Variants in TRAPPC9 observed in about 807,000 individuals in gnomAD.
TRAPPC9 encodes IKK2 binding protein.
Under a neutral mutation model 124.0 loss-of-function variants are expected in TRAPPC9, and 83 were observed. The ratio of observed to expected loss-of-function variants is 0.67; its 90% CI spans 0.56 to 0.80. The LOEUF (loss-of-function observed/expected upper bound fraction) is 0.80, where lower values mean the gene tolerates loss of function less well. TRAPPC9 is among the 30% of genes least tolerant of loss of function. The probability of loss-of-function intolerance (pLI) is 0.00; values close to 1 mark genes in which losing one functional copy is unlikely to be tolerated. For missense variants in TRAPPC9, 1,302 were observed against 1,508.3 expected, an observed-to-expected ratio of 0.86 and a Z score of 2.27; for synonymous variants, 638 against 617.5, an observed-to-expected ratio of 1.03 and a Z score of -0.49.
intron 7 of TRAPPC9, 65 bp from the exon 8 acceptor site, chr8:140,371,245 A>T (rs1009725597): frequency 7.0e-7 from 1 of 1,421,584 alleles, no homozygotes; most frequent in Non-Finnish European, 9.6e-7. Context: ...AGAAGCACAC[A>T]TTAAAAATGT....
At chr8:140,413,076 G>A (rs1457483393) in intron 5 of TRAPPC9, among the ~76,000 whole-genome samples, 1 of 152,178 alleles carries the variant, frequency 6.6e-6, no homozygotes, top group Non-Finnish European at 1.5e-5. Context: ...TGCCACAGCA[G>A]TGTGTGCAAT....
In TRAPPC9 at chr8:140,164,201, T is replaced by TG. The variant is rs113987089; in HGVS notation, c.2556+57257_2556+57258insC. On this transcript the variant is annotated intron_variant, in intron 17 of 22. Transcript: ENST00000438773. ...TCTTTGACTCATTCTCTCCCAATGC[T>TG]TACAACCAAACTTCACAAAAGAGGG... is the stretch of plus-strand genomic sequence containing the variant. 3.9e-5 allele frequency among the ~76,000 whole-genome samples: 6 copies of TG among 152,280 alleles called. 1 individual carries two copies. The highest frequency in any genetic ancestry group is 1.4e-4 in the African/African-American group (6 of 41,536).
intron 5 of TRAPPC9, among the ~76,000 whole-genome samples, chr8:140,421,984 CAAAAAAA>C (rs35152459): frequency 0.02 from 860 of 43,962 alleles, 9 homozygotes; most frequent in African/African-American, 0.07. Flanking sequence ...TCCCTCATGA[CAAAAAAA>C]AAAAAAAAAA....
At chr8:140,319,981 T>C (rs1051777107) in intron 9 of TRAPPC9, among the ~76,000 whole-genome samples, 4 of 152,188 alleles carry the variant, frequency 2.6e-5, no homozygotes, top group Non-Finnish European at 4.4e-5. Flanking sequence ...CAGTCAGTTA[T>C]GGTACTCTGA....
At chr8:140,177,545 T>G (rs1416450028) in intron 17 of TRAPPC9, among the ~76,000 whole-genome samples, 1 of 152,154 alleles carries the variant, frequency 6.6e-6, no homozygotes, top group East Asian at 1.9e-4. Context: ...TGTTAATTAC[T>G]GTAGCTTCGT....
intron 5 of TRAPPC9, among the ~76,000 whole-genome samples, chr8:140,407,425 G>T (rs990310907): frequency 3.3e-5 from 5 of 151,810 alleles, no homozygotes; most frequent in Non-Finnish European, 5.9e-5. Context: ...GAAATGGTGG[G>T]GGGGGGCGGG....
chr8:140,238,113 G>A (rs926776945), intron 16 of TRAPPC9, among the ~76,000 whole-genome samples: 1 of 152,194 alleles, frequency 6.6e-6, no homozygotes, highest in Non-Finnish European at 1.5e-5. Context: ...GTCACCGCCA[G>A]CCTGGGCGGA....
chr8:140,012,413 A>G (rs1330347690), intron 18 of TRAPPC9, among the ~76,000 whole-genome samples: 1 of 152,206 alleles, frequency 6.6e-6, no homozygotes, highest in East Asian at 1.9e-4. Flanking sequence ...TGCCTGTAAC[A>G]TACCTGTAAA....
intron 9 of TRAPPC9, among the ~76,000 whole-genome samples, chr8:140,348,345 C>T (rs1321220467): frequency 6.6e-6 from 1 of 152,170 alleles, no homozygotes; most frequent in African/African-American, 2.4e-5. Flanking sequence ...AACAAACAAA[C>T]CTGCAGAAAA....
intron 17 of TRAPPC9, among the ~76,000 whole-genome samples, chr8:140,077,344 G>T (rs1843568990): frequency 6.6e-6 from 1 of 152,158 alleles, no homozygotes; most frequent in Non-Finnish European, 1.5e-5. Context: ...ATGGGTGAAT[G>T]AACATAATCC....
chr8:139,892,685 C>T (rs1830421379), intron 20 of TRAPPC9, among the ~76,000 whole-genome samples: 1 of 152,156 alleles, frequency 6.6e-6, no homozygotes, highest in African/African-American at 2.4e-5. Flanking sequence ...CCAGCCTGAC[C>T]CACACCTGCT....
intron 17 of TRAPPC9, among the ~76,000 whole-genome samples, chr8:140,062,267 C>A (rs149292123): frequency 6.6e-6 from 1 of 152,184 alleles, no homozygotes; most frequent in Non-Finnish European, 1.5e-5. Context: ...TCCCCTCCTC[C>A]GAGATCTCTG....
intron 21 of TRAPPC9, among the ~76,000 whole-genome samples, chr8:139,734,301 G>A (rs548879402): frequency 4.0e-4 from 61 of 152,372 alleles, no homozygotes; most frequent in African/African-American, 1.4e-3. Context: ...CATGTCCAGT[G>A]CGTCCTTATT....
intron 10 of TRAPPC9, among the ~76,000 whole-genome samples, chr8:140,308,357 A>C (rs1481548935): frequency 6.6e-6 from 1 of 150,656 alleles, no homozygotes; most frequent in Non-Finnish European, 1.5e-5. Flanking sequence ...CGGCTCTCCA[A>C]ATGTTCCAAA....
At chr8:139,968,218 T>C (rs1322282374) in intron 19 of TRAPPC9, among the ~76,000 whole-genome samples, 1 of 152,076 alleles carries the variant, frequency 6.6e-6, no homozygotes, top group Non-Finnish European at 1.5e-5. Context: ...GGTGCTTCTG[T>C]GTGCTCTTTC....
intron 7 of TRAPPC9, among the ~76,000 whole-genome samples, chr8:140,392,451 C>G (rs1417418388): frequency 6.6e-6 from 1 of 152,234 alleles, no homozygotes; most frequent in Non-Finnish European, 1.5e-5. Context: ...GTCTACAAGG[C>G]AGAACATGTT....
At chr8:140,341,033 C>G (rs2067180683) in intron 9 of TRAPPC9, among the ~76,000 whole-genome samples, 1 of 152,100 alleles carries the variant, frequency 6.6e-6, no homozygotes, top group Non-Finnish European at 1.5e-5. Flanking sequence ...TATTCATCCT[C>G]ATGTTACTGA....
chr8:140,136,533 G>A (rs1344190691), intron 17 of TRAPPC9, among the ~76,000 whole-genome samples: 1 of 152,118 alleles, frequency 6.6e-6, no homozygotes, highest in African/African-American at 2.4e-5. Flanking sequence ...TGTCCTCCAG[G>A]AACTTAAAAC....
chr8:140,050,624 T>C (rs1043634626), intron 17 of TRAPPC9, among the ~76,000 whole-genome samples: 2 of 152,110 alleles, frequency 1.3e-5, no homozygotes, highest in African/African-American at 4.8e-5. Flanking sequence ...CAGGACACCC[T>C]TCCTCATCCC....
Sources: allele counts gnomAD v4.1 joint callset (sites outside exome capture counted in the v4.1 genomes callset), GRCh38; gene constraint gnomAD v4.1.1; transcripts MANE v1.5; gene names NCBI Gene and HGNC (gene_info 2026-07-23, HGNC 2026-07-21).